The following GTF2IRD1 variants were observed in gnomAD, a reference collection of about 807,000 sequenced individuals.
GTF2IRD1 encodes GTF2I repeat domain containing 1.
GTF2IRD1 carries 26 observed loss-of-function variants against 113.2 expected under a neutral mutation model. The ratio of observed to expected loss-of-function variants is 0.23; its 90% confidence interval spans 0.17 to 0.32. GTF2IRD1 has a LOEUF of 0.32. Ranked by LOEUF, GTF2IRD1 falls within the 10% of genes least tolerant of loss-of-function variation. The pLI is 1.00. For synonymous variants in GTF2IRD1, 484 were observed against 529.1 expected (o/e 0.91, Z 1.17); for missense variants, 864 against 1,280.8 (o/e 0.67, Z 4.97).
At chr7:74,523,687 C>G (rs1554346514) in intron 7 of GTF2IRD1, among the ~76,000 whole-genome samples, 1 of 151,778 alleles carries the variant, frequency 6.6e-6, no homozygotes, top group Non-Finnish European at 1.5e-5. Context: ...CGCCACTGCA[C>G]TCCAGCCTGG....
At chr7:74,531,601 G>T (rs1036397315) in intron 9 of GTF2IRD1, among the ~76,000 whole-genome samples, 1 of 152,124 alleles carries the variant, frequency 6.6e-6, no homozygotes, top group East Asian at 1.9e-4. Context: ...GGAGCCAGGG[G>T]CTGAGCACAG....
chr7:74,526,061 C>T (rs140375705), intron 8 of GTF2IRD1, among the ~76,000 whole-genome samples: 1 of 152,132 alleles, frequency 6.6e-6, no homozygotes, highest in East Asian at 1.9e-4. Flanking sequence ...GCTGTCTGCA[C>T]CTGCCCCTGA....
At chr7:74,496,086 G>A (rs1795648198) in intron 1 of GTF2IRD1, among the ~76,000 whole-genome samples, 1 of 152,078 alleles carries the variant, frequency 6.6e-6, no homozygotes, top group Admixed American at 6.6e-5. Context: ...ATGTGAGTTT[G>A]CATGCATGTG....
chr7:74,500,666 C>T (rs1401729384), intron 1 of GTF2IRD1, among the ~76,000 whole-genome samples: 12 of 152,266 alleles, frequency 7.9e-5, no homozygotes, highest in Non-Finnish European at 1.3e-4. Flanking sequence ...GTCTCATACA[C>T]GCACACCCGT....
chr7:74,583,840 T>C (rs1801569551), intron 22 of GTF2IRD1, among the ~76,000 whole-genome samples: 1 of 152,012 alleles, frequency 6.6e-6, no homozygotes, highest in Non-Finnish European at 1.5e-5. Flanking sequence ...CAAGTTTCCT[T>C]GTGTCTTACT....
chr7:74,573,831 C>T (rs1047664368), intron 22 of GTF2IRD1, among the ~76,000 whole-genome samples: 5 of 152,158 alleles, frequency 3.3e-5, no homozygotes, highest in African/African-American at 4.8e-5. Context: ...GGCTCAGCAC[C>T]ACCCACAGCA....
intron 4 of GTF2IRD1, among the ~76,000 whole-genome samples, chr7:74,517,345 C>A (rs1042230184): frequency 1.3e-5 from 2 of 148,672 alleles, no homozygotes; most frequent in Non-Finnish European, 3.0e-5. Context: ...TTTTCTCAAT[C>A]CCCTATTTTT....
At chr7:74,476,995 C>T (rs1364020011) in intron 1 of GTF2IRD1, among the ~76,000 whole-genome samples, 2 of 152,050 alleles carry the variant, frequency 1.3e-5, no homozygotes, top group Non-Finnish European at 2.9e-5. Context: ...AGGCCCAAGA[C>T]TGGAAATAGG....
At chr7:74,549,437 G>A (rs1191255271) in intron 17 of GTF2IRD1, among the ~76,000 whole-genome samples, 2 of 152,100 alleles carry the variant, frequency 1.3e-5, no homozygotes, top group Admixed American at 6.6e-5. Flanking sequence ...ATACAGTGGC[G>A]AGGAGATCCG....
chr7:74,536,095 C>A (rs587673344), intron 10 of GTF2IRD1, 72 bp from the exon 11 acceptor site: 11 of 982,946 alleles, frequency 1.1e-5, no homozygotes, highest in African/African-American at 4.8e-5. Context: ...ACACACAGAC[C>A]TTTACCCAGG....
chr7:74,570,205 A>C (rs1562879303), intron 22 of GTF2IRD1, among the ~76,000 whole-genome samples: 1 of 151,752 alleles, frequency 6.6e-6, no homozygotes, highest in African/African-American at 2.4e-5. Flanking sequence ...CCACCAAAAA[A>C]TACAAAAATT....
intron 26 of GTF2IRD1, 92 bp downstream of exon 26, chr7:74,601,272 G>A (rs781809689): frequency 1.3e-6 from 2 of 1,549,930 alleles, no homozygotes; most frequent in South Asian, 2.4e-5. Context: ...TGTGGGCCCA[G>A]GGGACGGGGA....
At chr7:74,551,808 TG>T (rs1554355105) in intron 17 of GTF2IRD1, among the ~76,000 whole-genome samples, 2 of 151,850 alleles carry the variant, frequency 1.3e-5, no homozygotes, top group African/African-American at 4.8e-5. Context: ...TGGTGGCGTG[TG>T]CCTGTAATCC....
intron 1 of GTF2IRD1, among the ~76,000 whole-genome samples, chr7:74,482,789 A>G (rs1269660568): frequency 6.6e-6 from 1 of 152,068 alleles, no homozygotes; most frequent in African/African-American, 2.4e-5. Context: ...TTCTTTCATC[A>G]TCCTTGCGAG....
intron 1 of GTF2IRD1, among the ~76,000 whole-genome samples, chr7:74,476,428 G>A (rs574443363): frequency 3.5e-5 from 5 of 143,648 alleles, no homozygotes; most frequent in East Asian, 4.1e-4. Context: ...GCAGCGGTGC[G>A]ATCTCGGCTC....
intron 3 of GTF2IRD1, among the ~76,000 whole-genome samples, chr7:74,514,346 A>C (rs1453400817): frequency 2.6e-5 from 4 of 152,046 alleles, no homozygotes; most frequent in Non-Finnish European, 2.9e-5. Flanking sequence ...GACCTTCTCC[A>C]GGGCCAGGAT....
At chr7:74,493,710 C>T (rs1795494161) in intron 1 of GTF2IRD1, among the ~76,000 whole-genome samples, 1 of 152,006 alleles carries the variant, frequency 6.6e-6, no homozygotes, top group African/African-American at 2.4e-5. Flanking sequence ...GGCTCTGTCC[C>T]CTCTGAGGGG....
chr7:74,564,788 T>C lies in GTF2IRD1; in HGVS notation c.2320+5133T>C, dbSNP rs587712828. ...AGATAAGCCCAGAATGTCTTTAATA[T>C]TTTCCCAGCTGAGGACATCACGTTT... On this transcript the variant is annotated intron_variant, in intron 22 of 26. Coordinates refer to ENST00000424337, the MANE Select transcript of GTF2IRD1 (RefSeq NM_005685.4). Among the ~76,000 whole-genome samples the C allele has an allele frequency of 9.9e-5, 15 of 152,238 alleles. No individual in the cohort carries two copies. The East Asian group carries it at 2.9e-3, about 29-fold the overall frequency.
intron 8 of GTF2IRD1, among the ~76,000 whole-genome samples, chr7:74,528,595 G>A (rs1554347720): frequency 6.7e-6 from 1 of 148,610 alleles, no homozygotes; most frequent in East Asian, 2.1e-4. Context: ...GTGGATGACA[G>A]ACACAGCAGG....
Sources: allele counts gnomAD v4.1 joint callset (sites outside exome capture counted in the v4.1 genomes callset), GRCh38; gene constraint gnomAD v4.1.1; transcripts MANE v1.5; gene names NCBI Gene and HGNC (gene_info 2026-07-23, HGNC 2026-07-21).